Variants in ZNF148 observed in about 807,000 individuals in gnomAD.
ZNF148 encodes zinc finger protein 148.
ZNF148 carries 7 observed loss-of-function variants against 67.7 expected under a neutral mutation model. The observed-to-expected ratio is 0.10, with a 90% confidence interval of 0.06 to 0.19. The LOEUF (loss-of-function observed/expected upper bound fraction) is 0.19. Ranked by LOEUF, ZNF148 falls within the 10% of genes least tolerant of loss-of-function variation. ZNF148 has a pLI of 1.00. For synonymous variants in ZNF148, 333 were observed against 330.7 expected, an observed-to-expected ratio of 1.01 and a Z score of -0.08; for missense variants, 583 against 947.1, an observed-to-expected ratio of 0.62 and a Z score of 5.05.
Position 125,313,326 on chromosome 3 carries a change from C to T in ZNF148, c.315G>A (p.Gln105=). ...TACTTACAGGGACATTAAGTGCATA[C>T]TGTAGTCCTTGAGGAAGTCTTTCAT... ...ETHERLPQGL[Q]YALNVPISVK... is the part of the protein sequence containing the mutation. Residue 105 remains glutamine (Q), a synonymous_variant, in exon 4 of 9, where the codon CAG becomes CAA. Coordinates refer to ENST00000360647, the MANE Select transcript of ZNF148 (RefSeq NM_021964.3). 6.2e-7 allele frequency: 1 copy of T among 1,612,984 alleles called. No homozygotes were observed. The highest frequency in any genetic ancestry group is 8.5e-7 in the Non-Finnish European group (1 of 1,179,246).
intron 5 of ZNF148, among the ~76,000 whole-genome samples, chr3:125,287,029 G>A (rs1174895620): frequency 6.6e-6 from 1 of 152,128 alleles, no homozygotes; most frequent in Non-Finnish European, 1.5e-5. Flanking sequence ...CTAATTATAA[G>A]CTACCAATGG....
intron 3 of ZNF148, among the ~76,000 whole-genome samples, chr3:125,319,535 G>T (rs1940677030): frequency 6.6e-6 from 1 of 152,116 alleles, no homozygotes; most frequent in Admixed American, 6.5e-5. Flanking sequence ...GCTTGCTGAG[G>T]TTTTTTGTAA....
rs189689937 is a variant in ZNF148 at position 125,349,978 on chromosome 3, T to C, written c.-233-18740A>G. Among the ~76,000 whole-genome samples the C allele has an allele frequency of 1.1e-4, 17 of 152,276 alleles. 1 individual carries two copies. Among genetic ancestry groups the C allele is most frequent in the Middle Eastern group, 3.4e-3 (1 of 294 alleles). On this transcript the variant is annotated intron_variant, in intron 1 of 8. Transcript: ENST00000360647. ...AACAACCATTATCCAAAAATAACAA[T>C]AACAAGTATTGGCAAGGATGGAGAA... is the stretch of plus-strand genomic sequence containing the variant.
At chr3:125,246,267 A>T (rs570564590) in intron 7 of ZNF148, among the ~76,000 whole-genome samples, 96 of 152,320 alleles carry the variant, frequency 6.3e-4, no homozygotes, top group African/African-American at 2.1e-3. Context: ...AACACACTTG[A>T]CAACACAAGG....
intron 7 of ZNF148, among the ~76,000 whole-genome samples, chr3:125,267,769 G>A (rs1937567100): frequency 6.6e-6 from 1 of 152,036 alleles, no homozygotes; most frequent in South Asian, 2.1e-4. Context: ...ATCCAAATAG[G>A]AAAAGAGACA....
chr3:125,356,974 G>A (rs536792044), intron 1 of ZNF148: 2 of 152,362 alleles, frequency 1.3e-5, no homozygotes, highest in Admixed American at 1.3e-4. Context: ...GTTACCTGCT[G>A]ACCTTTTCAC....
At chr3:125,327,415 CACTACCAAACAAT>C (rs1211021195) in intron 2 of ZNF148, among the ~76,000 whole-genome samples, 1 of 152,162 alleles carries the variant, frequency 6.6e-6, no homozygotes, top group Non-Finnish European at 1.5e-5. Flanking sequence ...ATATAGAAAA[CACTACCAAACAAT>C]ACTAGAATAC....
At chr3:125,271,031 TA>T (rs1214631784) in intron 7 of ZNF148, among the ~76,000 whole-genome samples, 1 of 152,230 alleles carries the variant, frequency 6.6e-6, no homozygotes, top group Non-Finnish European at 1.5e-5. Flanking sequence ...TATGAGTAAA[TA>T]TTTTAGCATA....
intron 7 of ZNF148, among the ~76,000 whole-genome samples, chr3:125,235,490 T>C (rs369001108): frequency 6.6e-6 from 1 of 152,186 alleles, no homozygotes; most frequent in East Asian, 1.9e-4. Flanking sequence ...TATATTCCCT[T>C]TGAGACCCAA....
Position 125,298,346 on chromosome 3 carries a change from T to TACACACACACACACACACACACACAC in ZNF148, c.334-10144_334-10119dup, listed in dbSNP as rs141809192. On this transcript the variant is annotated intron_variant, in intron 4 of 8. Coordinates refer to ENST00000360647, the MANE Select transcript of ZNF148 (RefSeq NM_021964.3). ...CCTAGAGCAATGTTATAAATGTGCA[T>TACACACACACACACACACACACACAC]ACACACACACACACACACACACACA... 1.5e-3 allele frequency among the ~76,000 whole-genome samples: 218 copies of TACACACACACACACACACACACACAC among 145,764 alleles called. 3 individuals are homozygous for TACACACACACACACACACACACACAC. The highest frequency in any genetic ancestry group is 5.3e-3 in the Admixed American group (78 of 14,684).
At chr3:125,330,098 A>C (rs887691316) in intron 2 of ZNF148, among the ~76,000 whole-genome samples, 12 of 152,234 alleles carry the variant, frequency 7.9e-5, no homozygotes, top group Admixed American at 7.9e-4. Context: ...AATTATCAGA[A>C]GATATGGTAA....
chr3:125,314,409 C>T (rs569071795), intron 3 of ZNF148, among the ~76,000 whole-genome samples: 4 of 152,190 alleles, frequency 2.6e-5, no homozygotes, highest in East Asian at 1.9e-4. Flanking sequence ...AATACCATAA[C>T]GAAAATGTTA....
intron 1 of ZNF148, among the ~76,000 whole-genome samples, chr3:125,352,376 G>C (rs1426623594): frequency 6.6e-6 from 1 of 152,190 alleles, no homozygotes; most frequent in African/African-American, 2.4e-5. Context: ...GTAGTTGCCA[G>C]GGACGGGGAG....
chr3:125,288,167 T>C lies in ZNF148; in HGVS notation c.395A>G (p.Lys132Arg), dbSNP rs1029640216. The change falls in exon 5 of 9, where the codon AAA becomes AGA. Residue 132 changes from lysine (K) to arginine (R), a missense_variant. By Grantham distance (26) the Lys-to-Arg change is conservative. Coordinates refer to ENST00000360647, the MANE Select transcript of ZNF148 (RefSeq NM_021964.3). ...DVSEQLMRDK[K>R]QIREPVDLQK... is the part of the protein sequence containing the mutation. ...TAAGTCTACTGGCTCTCTGATTTGT[T>C]TTTTGTCTCTCATCAGTTGCTCAGA... 6.2e-7 allele frequency: 1 copy of C among 1,613,750 alleles called. No individual in the cohort carries two copies. Among genetic ancestry groups the C allele is most frequent in the Non-Finnish European group, 8.5e-7 (1 of 1,179,908 alleles).
intron 7 of ZNF148, among the ~76,000 whole-genome samples, chr3:125,244,534 G>A (rs533889669): frequency 1.9e-4 from 29 of 149,630 alleles, no homozygotes; most frequent in Non-Finnish European, 3.6e-4. Flanking sequence ...TTTCGCTCTT[G>A]TCCCCCAGGC....
chr3:125,259,172 GGAAA>G (rs141564347), intron 7 of ZNF148, among the ~76,000 whole-genome samples: 3,009 of 152,014 alleles, frequency 0.02, 99 homozygotes, highest in African/African-American at 0.068. Context: ...TCAACAATAA[GGAAA>G]GAAAGAATCC....
intron 1 of ZNF148, among the ~76,000 whole-genome samples, chr3:125,338,659 CAAAAAAAAA>C (rs757727396): frequency 7.8e-5 from 4 of 51,192 alleles, no homozygotes; most frequent in East Asian, 6.7e-4. Flanking sequence ...GACCCTGTCT[CAAAAAAAAA>C]AAAAAAAAAA....
chr3:125,278,371 C>T (rs1938187726), intron 6 of ZNF148, among the ~76,000 whole-genome samples: 1 of 152,118 alleles, frequency 6.6e-6, no homozygotes, highest in South Asian at 2.1e-4. Context: ...TCCTGAAACA[C>T]TTCTACCTTA....
chr3:125,232,272 C>T lies in ZNF148; in HGVS notation c.*69G>A, dbSNP rs1028981959. The T allele has an allele frequency of 2.7e-6, 4 of 1,489,674 alleles. No homozygotes were observed. The highest frequency in any genetic ancestry group is 3.6e-6 in the Non-Finnish European group (4 of 1,117,102). 92.3% of individuals were successfully genotyped at this position (1,489,674 alleles called of 1,614,324 possible). The stretch of plus-strand genomic sequence containing the variant: ...TTAAATCTGTACAGCACTCCATTTA[C>T]ACAGAGTAACCCCACTCTTGATTAA... On this transcript the variant is annotated 3_prime_UTR_variant, in exon 9 of 9. Transcript: ENST00000360647. The surrounding 1 kb of genome is among the most constrained non-coding windows in gnomAD (Gnocchi z 4.2).
Sources: gnomAD v4.1 joint callset for allele counts (sites outside exome capture counted in the v4.1 genomes callset) on GRCh38, gnomAD v4.1.1 for gene constraint, Gnocchi (gnomAD v3.1) non-coding constraint, MANE v1.5 for transcripts, NCBI Gene and HGNC (gene_info 2026-07-23, HGNC 2026-07-21) for gene names.